Variants in DOCK3 observed in about 807,000 individuals in gnomAD.
The protein encoded by DOCK3 is dedicator of cytokinesis 3.
A neutral mutation model predicts 265.6 loss-of-function variants in DOCK3; 60 were observed. The ratio of observed to expected loss-of-function variants is 0.23; its 90% CI spans 0.18 to 0.28. The LOEUF (loss-of-function observed/expected upper bound fraction) is 0.28, where lower values mean the gene tolerates loss of function less well. DOCK3 is among the 10% of genes least tolerant of loss of function. The pLI, the probability that DOCK3 is intolerant of heterozygous loss-of-function variation, is 1.00. For synonymous variants in DOCK3, 881 were observed against 938.0 expected, an observed-to-expected ratio of 0.94 and a Z score of 1.11; for missense variants, 1,981 against 2,594.3, an observed-to-expected ratio of 0.76 and a Z score of 5.14.
chr3:50,846,439 C>T (rs772441834), intron 3 of DOCK3, among the ~76,000 whole-genome samples: 22 of 152,078 alleles, frequency 1.4e-4, no homozygotes, highest in African/African-American at 1.4e-4. Flanking sequence ...TTTTGGTCTG[C>T]GTTCAGGGAT....
At chr3:50,762,862 G>A (rs1401702539) in intron 1 of DOCK3, among the ~76,000 whole-genome samples, 1 of 152,100 alleles carries the variant, frequency 6.6e-6, no homozygotes, top group Non-Finnish European at 1.5e-5. Flanking sequence ...TGGCATGAGA[G>A]TAAGTAATAA....
intron 23 of DOCK3, among the ~76,000 whole-genome samples, chr3:51,267,080 C>A (rs932049854): frequency 6.6e-6 from 1 of 152,112 alleles, no homozygotes; most frequent in Non-Finnish European, 1.5e-5. Context: ...CTCATCATCA[C>A]TGGTCATTAG....
intron 4 of DOCK3, among the ~76,000 whole-genome samples, chr3:50,914,086 T>C (rs2049997109): frequency 1.3e-5 from 2 of 151,670 alleles, no homozygotes; most frequent in African/African-American, 2.4e-5. Context: ...TATTTGGGTC[T>C]TTTTTTTCAT....
intron 49 of DOCK3, among the ~76,000 whole-genome samples, 156 bp downstream of exon 49, chr3:51,362,830 C>T (rs1431526233): frequency 1.3e-5 from 2 of 152,244 alleles, no homozygotes; most frequent in Non-Finnish European, 2.9e-5. Context: ...GAGTTCCTGC[C>T]TCCAGGCCTC....
chr3:51,358,727 A>C (rs534822599), intron 46 of DOCK3, among the ~76,000 whole-genome samples: 1 of 152,292 alleles, frequency 6.6e-6, no homozygotes, highest in Admixed American at 6.5e-5. Context: ...CAGGCTCCTG[A>C]AAGTCTCCCT....
chr3:51,156,325 C>T (rs1560137483), intron 10 of DOCK3, among the ~76,000 whole-genome samples: 1 of 152,138 alleles, frequency 6.6e-6, no homozygotes, highest in Non-Finnish European at 1.5e-5. Flanking sequence ...GGAGCAGCTT[C>T]CTAGTTAAGT....
chr3:50,798,605 T>C (rs2042914811), intron 2 of DOCK3, among the ~76,000 whole-genome samples: 1 of 152,114 alleles, frequency 6.6e-6, no homozygotes, highest in East Asian at 1.9e-4. Context: ...TTTTGAGATG[T>C]TTGAGTTTCT....
intron 9 of DOCK3, among the ~76,000 whole-genome samples, chr3:51,142,786 G>A (rs1370970121): frequency 6.6e-6 from 1 of 152,108 alleles, no homozygotes; most frequent in Non-Finnish European, 1.5e-5. Flanking sequence ...AAACTGTCAA[G>A]CTGTTTTCCA....
intron 21 of DOCK3, among the ~76,000 whole-genome samples, chr3:51,238,822 G>A (rs541558640): frequency 9.0e-4 from 137 of 152,236 alleles, no homozygotes; most frequent in African/African-American, 3.2e-3. Context: ...GTATTCCATG[G>A]TATATATGTA....
At chr3:50,884,126 G>A (rs1007903529) in intron 3 of DOCK3, among the ~76,000 whole-genome samples, 4 of 147,872 alleles carry the variant, frequency 2.7e-5, no homozygotes, top group Non-Finnish European at 5.9e-5. Context: ...ATGGAGTCTC[G>A]CTCTTTCAGG....
chr3:50,702,241 C>T (rs990393845), intron 1 of DOCK3, among the ~76,000 whole-genome samples: 3 of 152,042 alleles, frequency 2.0e-5, no homozygotes, highest in African/African-American at 7.2e-5. Flanking sequence ...TTCAAATCTC[C>T]CTTCAGTGTT....
chr3:50,815,004 T>C (rs1576520216), intron 2 of DOCK3, among the ~76,000 whole-genome samples: 1 of 152,068 alleles, frequency 6.6e-6, no homozygotes, highest in Non-Finnish European at 1.5e-5. Context: ...TTTGTATTTT[T>C]AGTGGAGATG....
chr3:51,269,356 A>G (rs2080376737), intron 23 of DOCK3, among the ~76,000 whole-genome samples: 1 of 152,010 alleles, frequency 6.6e-6, no homozygotes, highest in Non-Finnish European at 1.5e-5. Flanking sequence ...ACTGTTTGTT[A>G]TTGATTATAA....
chr3:50,864,558 A>G (rs1450138444), intron 3 of DOCK3, among the ~76,000 whole-genome samples: 1 of 151,954 alleles, frequency 6.6e-6, no homozygotes, highest in African/African-American at 2.4e-5. Context: ...GTTTTGTTTT[A>G]GTAGTTTAAT....
chr3:51,271,050 GTCC>G, intron 24 of DOCK3, 43 bp downstream of exon 24: 2 of 1,573,336 alleles, frequency 1.3e-6, no homozygotes, highest in Middle Eastern at 2.3e-4. Flanking sequence ...TTCCAGGGGT[GTCC>G]TCCTTCCTTC....
intron 9 of DOCK3, among the ~76,000 whole-genome samples, chr3:51,104,163 G>T (rs997075092): frequency 1.3e-5 from 2 of 152,158 alleles, no homozygotes; most frequent in African/African-American, 4.8e-5. Context: ...AAGTTTCCAT[G>T]TACAGGGAAC....
chr3:50,685,783 G>T, intron 1 of DOCK3: 1 of 203,598 alleles, frequency 4.9e-6, no homozygotes. Flanking sequence ...CGTGGCTCAA[G>T]GGCTGTCCAT....
At chr3:51,318,833 G>T (rs1205345704) in intron 32 of DOCK3, among the ~76,000 whole-genome samples, 1 of 152,000 alleles carries the variant, frequency 6.6e-6, no homozygotes, top group Non-Finnish European at 1.5e-5. Context: ...ATATATAAAT[G>T]ATTGCAATTT....
At chr3:51,151,089 T>C (rs182521310) in intron 10 of DOCK3, among the ~76,000 whole-genome samples, 1 of 152,306 alleles carries the variant, frequency 6.6e-6, no homozygotes, top group Admixed American at 6.5e-5. Flanking sequence ...TTTTGATCTT[T>C]ATTGGCTTAA....
Sources: allele counts gnomAD v4.1 joint callset (sites outside exome capture counted in the v4.1 genomes callset), GRCh38; gene constraint gnomAD v4.1.1; transcripts MANE v1.5; gene names NCBI Gene and HGNC (gene_info 2026-07-23, HGNC 2026-07-21).